Variants in PPP2R2C observed in about 807,000 individuals in gnomAD.
The protein encoded by PPP2R2C is protein phosphatase 2 regulatory subunit Bgamma.
PPP2R2C carries 10 observed loss-of-function variants against 45.3 expected under a neutral mutation model. The observed-to-expected ratio is 0.22, with a 90% CI of 0.14 to 0.37. The LOEUF is 0.37. PPP2R2C is among the 10% of genes least tolerant of loss of function. The probability of loss-of-function intolerance (pLI) is 1.00; values close to 1 mark genes in which losing one functional copy is unlikely to be tolerated. For missense variants in PPP2R2C, 308 were observed against 619.7 expected (o/e 0.50, Z 5.34); for synonymous variants, 257 against 245.4 (o/e 1.05, Z -0.44).
At chr4:6,418,400 T>G (rs1172498816) in intron 1 of PPP2R2C, among the ~76,000 whole-genome samples, 1 of 152,222 alleles carries the variant, frequency 6.6e-6, no homozygotes, top group Non-Finnish European at 1.5e-5. Flanking sequence ...GCCACACAGC[T>G]GCTGCCACGC....
At position 6,563,360 on chromosome 4, in the gene PPP2R2C, C is replaced by A. The variant is rs1725646440; in HGVS notation, c.-59+200G>T. 6.6e-6 allele frequency among the ~76,000 whole-genome samples: 1 copy of A among 152,226 alleles called. No homozygotes were observed. The highest frequency in any genetic ancestry group is 1.5e-5 in the Non-Finnish European group (1 of 68,022). On this transcript the variant is annotated intron_variant, in intron 1 of 9. Transcript: ENST00000506140. This position sits in a 1 kb window ranked among gnomAD's most constrained non-coding sequence, Gnocchi z 5.8. ...AGCAGAGCCAGCCCTGCCCCAGGAC[C>A]GCCCCGGGGTCGGTGCCCGGGCTCT...
intron 1 of PPP2R2C, among the ~76,000 whole-genome samples, chr4:6,459,740 T>C (rs959555777): frequency 1.3e-5 from 2 of 151,866 alleles, no homozygotes; most frequent in Non-Finnish European, 1.5e-5. Context: ...TGAGCCAAGA[T>C]CACGACACTG....
intron 1 of PPP2R2C, among the ~76,000 whole-genome samples, chr4:6,461,505 G>A (rs1577200763): frequency 6.6e-6 from 1 of 152,288 alleles, no homozygotes; most frequent in East Asian, 1.9e-4. Flanking sequence ...GGGCCAAAGT[G>A]TTTAAGGAGG....
intron 5 of PPP2R2C, among the ~76,000 whole-genome samples, chr4:6,356,394 G>C (rs1713193572): frequency 6.6e-6 from 1 of 152,194 alleles, no homozygotes. Flanking sequence ...CAATTGCTCA[G>C]GGACAAGGAG....
rs184359623 is a variant in PPP2R2C, at chr4:6,465,757, T to C, written c.70+6403A>G. 5.3e-5 allele frequency among the ~76,000 whole-genome samples: 8 copies of C among 152,342 alleles called. No homozygotes were observed. In the East Asian group the frequency reaches 5.8e-4, roughly 11 times the overall value. On this transcript the variant is annotated intron_variant, in intron 1 of 8. Transcript: ENST00000382599. ...AACATAAGAGCACGTAACTGGAATG[T>C]AGACTCACCAAAATGCACAAGTTAT...
chr4:6,348,103 C>G (rs1424140088), intron 5 of PPP2R2C, 93 bp from the exon 6 acceptor site: 1 of 1,425,822 alleles, frequency 7.0e-7, no homozygotes, highest in Non-Finnish European at 9.7e-7. Flanking sequence ...GAGGCAAAAC[C>G]GTCCACCCTC....
chr4:6,424,590 G>A (rs11939028), intron 1 of PPP2R2C, among the ~76,000 whole-genome samples: 7,002 of 152,248 alleles, frequency 0.046, 268 homozygotes, highest in African/African-American at 0.1. Flanking sequence ...AGGCAGTGTC[G>A]ATACATTGAC....
intron 1 of PPP2R2C, among the ~76,000 whole-genome samples, chr4:6,467,035 G>A (rs543947927): frequency 1.1e-4 from 17 of 152,268 alleles, no homozygotes; most frequent in African/African-American, 4.1e-4. Context: ...GCACCAGGCA[G>A]TGCAGGGAAA....
chr4:6,395,743 G>A (rs563145555), intron 1 of PPP2R2C, among the ~76,000 whole-genome samples: 27 of 152,320 alleles, frequency 1.8e-4, no homozygotes, highest in South Asian at 1.2e-3. Flanking sequence ...CCAGAGGCTC[G>A]CTTTCCTCCC....
chr4:6,442,323 G>A lies in PPP2R2C; in HGVS notation c.70+29837C>T, dbSNP rs115195364. On this transcript the variant is annotated intron_variant, in intron 1 of 8. Transcript: ENST00000382599. ...CCAGAGAGGGGCATCAGCTCTGCCCGCTCTCAGCAGGAGGTGGGTGAGTGG... is the reference window on the plus strand; with the variant it reads ...CCAGAGAGGGGCATCAGCTCTGCCCACTCTCAGCAGGAGGTGGGTGAGTGG... Among the ~76,000 whole-genome samples, 391 of 152,334 alleles carry A rather than the reference G, an allele frequency of 2.6e-3. 5 individuals are homozygous for A. Among genetic ancestry groups the A allele is most frequent in the African/African-American group, 8.8e-3 (366 of 41,586 alleles).
At chr4:6,410,723 T>A (rs1027891996) in intron 1 of PPP2R2C, among the ~76,000 whole-genome samples, 3 of 152,096 alleles carry the variant, frequency 2.0e-5, no homozygotes, top group African/African-American at 7.2e-5. Flanking sequence ...ACCACCCCAG[T>A]GAGCCTGGCC....
intron 1 of PPP2R2C, among the ~76,000 whole-genome samples, chr4:6,467,512 A>G (rs1175023664): frequency 1.3e-5 from 2 of 152,114 alleles, no homozygotes; most frequent in African/African-American, 4.8e-5. Flanking sequence ...ATACCTCCTC[A>G]ATAGGACTGA....
At chr4:6,360,593 A>C (rs951111355) in intron 5 of PPP2R2C, among the ~76,000 whole-genome samples, 6 of 152,208 alleles carry the variant, frequency 3.9e-5, no homozygotes, top group African/African-American at 9.6e-5. Context: ...GCATGAGCTC[A>C]CCAGGGACGC....
chr4:6,370,949 G>T (rs1051858680), intron 5 of PPP2R2C, among the ~76,000 whole-genome samples: 2 of 152,144 alleles, frequency 1.3e-5, no homozygotes, highest in Admixed American at 6.5e-5. Context: ...AACCTTCCTG[G>T]CTGGCCCAAT....
chr4:6,424,400 G>C (rs1248575232), intron 1 of PPP2R2C, among the ~76,000 whole-genome samples: 1 of 152,178 alleles, frequency 6.6e-6, no homozygotes, highest in African/African-American at 2.4e-5. Context: ...ATATGACCTG[G>C]GGCCCCTCTG....
chr4:6,348,264 G>T (rs556519345), intron 5 of PPP2R2C, among the ~76,000 whole-genome samples: 1 of 151,480 alleles, frequency 6.6e-6, no homozygotes, highest in Non-Finnish European at 1.5e-5. Flanking sequence ...CCTGACCTGC[G>T]GCCCCCCTCA....
At chr4:6,512,823 T>C (rs560072258) in intron 2 of PPP2R2C, among the ~76,000 whole-genome samples, 2 of 152,070 alleles carry the variant, frequency 1.3e-5, no homozygotes, top group African/African-American at 2.4e-5. Context: ...TTGACACTTT[T>C]ATGATAAGGG....
At position 6,329,436 on chromosome 4, in the gene PPP2R2C, G is replaced by A. The variant is rs929248718; in HGVS notation, c.961-83C>T. ...CACAAGAAGGGTCTCAAAGAGCAGC[G>A]AGGGTCTGCATGCCCTGACATGGCC... is the stretch of plus-strand genomic sequence containing the variant. On this transcript the variant is annotated intron_variant, in intron 7 of 8. Transcript: ENST00000382599. The surrounding 1 kb of genome is among the most constrained non-coding windows in gnomAD (Gnocchi z 5.8). The A allele has an allele frequency of 1.6e-4, 196 of 1,237,590 alleles. No individual in the cohort carries two copies. The African/African-American group carries it at 2.5e-3, about 16-fold the overall frequency. 76.7% of individuals were successfully genotyped at this position (1,237,590 alleles called of 1,614,324 possible).
intron 2 of PPP2R2C, among the ~76,000 whole-genome samples, chr4:6,483,918 C>A (rs1722451352): frequency 6.6e-6 from 1 of 152,088 alleles, no homozygotes; most frequent in Non-Finnish European, 1.5e-5. Flanking sequence ...CTACAGCTTG[C>A]AGACCAGCTG....
Sources: allele counts gnomAD v4.1 joint callset (sites outside exome capture counted in the v4.1 genomes callset), GRCh38; gene constraint gnomAD v4.1.1; non-coding constraint Gnocchi (gnomAD v3.1); transcripts MANE v1.5; gene names NCBI Gene and HGNC (gene_info 2026-07-23, HGNC 2026-07-21).